Variants in PRH1 observed in about 807,000 individuals in gnomAD.
The protein encoded by PRH1 is salivary acidic proline-rich phosphoprotein 1/2.
In PRH1, 7 loss-of-function variants were observed where a neutral mutation model predicts 7.9. The ratio of observed to expected loss-of-function variants is 0.89; its 90% confidence interval spans 0.50 to 1.67. The LOEUF (loss-of-function observed/expected upper bound fraction) is 1.67. PRH1 is among the 40% of genes most tolerant of loss of function. PRH1 has a pLI of 0.00. For missense variants in PRH1, 109 were observed against 223.6 expected (o/e 0.49, Z 3.27); for synonymous variants, 45 against 80.8 (o/e 0.56, Z 2.38).
chr12:11,023,597 CAGG>C (rs1941764803), intron 1 of PRH1, among the ~76,000 whole-genome samples: 1 of 152,200 alleles, frequency 6.6e-6, no homozygotes, highest in African/African-American at 2.4e-5. Context: ...CTTCAGTCAA[CAGG>C]AAATTAGTAG....
chr12:11,016,976 A>G (rs1300858346), intron 1 of PRH1, among the ~76,000 whole-genome samples: 1 of 152,218 alleles, frequency 6.6e-6, no homozygotes, highest in South Asian at 2.1e-4. Context: ...CACTTAACCT[A>G]TCTGGCCTCT....
chr12:10,955,428 A>C (rs561016597), intron 2 of PRH1, among the ~76,000 whole-genome samples: 1 of 152,294 alleles, frequency 6.6e-6, no homozygotes, highest in Admixed American at 6.5e-5. Context: ...GGATATGGAT[A>C]AGGCAGTGTT....
chr12:11,020,811 A>T (rs1941583576), intron 1 of PRH1, among the ~76,000 whole-genome samples: 1 of 152,144 alleles, frequency 6.6e-6, no homozygotes, highest in African/African-American at 2.4e-5. Context: ...ATGGGAGACA[A>T]AGGAGAAAAT....
intron 1 of PRH1, chr12:11,021,998 G>A: frequency 6.3e-7 from 1 of 1,589,736 alleles, no homozygotes; most frequent in Non-Finnish European, 8.6e-7. Flanking sequence ...AAACATATTA[G>A]GCTCAGAGTA....
chr12:10,929,884 C>G (rs1214397050), intron 2 of PRH1, among the ~76,000 whole-genome samples: 2 of 152,122 alleles, frequency 1.3e-5, no homozygotes, highest in Non-Finnish European at 2.9e-5. Flanking sequence ...AAGATTGTAT[C>G]TAAGTGGCTA....
At chr12:11,150,348 C>T (rs1490657793) in intron 1 of PRH1, among the ~76,000 whole-genome samples, 1 of 152,100 alleles carries the variant, frequency 6.6e-6, no homozygotes, top group Non-Finnish European at 1.5e-5. Flanking sequence ...ATAAATCATG[C>T]TGCTATAAAG....
upstream of PRH1, among the ~76,000 whole-genome samples, chr12:10,887,531 T>TA (rs1949510322): frequency 2.0e-5 from 3 of 151,150 alleles, no homozygotes; most frequent in Non-Finnish European, 4.4e-5. Context: ...ATTTCTTTTT[T>TA]TTTTTTTTGA....
Position 11,076,599 on chromosome 12 carries a change from G to A in PRH1, n.124-29411C>T, listed in dbSNP as rs190019926. Among the ~76,000 whole-genome samples the A allele has an allele frequency of 8.4e-4, 102 of 121,150 alleles. No individual in the cohort carries two copies. In the East Asian group the frequency reaches 0.018, roughly 22 times the overall value. The allele number at this position is 121,150 out of a possible 152,430, so 79.5% of individuals were successfully genotyped here. ...CTTTAATTCAAAAAGTGGAATAAGT[G>A]ACTTTTCTAACTACACATAAAAAAT... is the stretch of plus-strand genomic sequence containing the variant. On this transcript the variant is annotated intron_variant and non_coding_transcript_variant, in intron 1 of 4. Transcript: ENST00000541977.
intron 2 of PRH1, among the ~76,000 whole-genome samples, chr12:10,967,433 G>A (rs1483614622): frequency 6.6e-6 from 1 of 152,068 alleles, no homozygotes; most frequent in African/African-American, 2.4e-5. Flanking sequence ...ATCAAATAAG[G>A]CAAGACGTGG....
intron 1 of PRH1, among the ~76,000 whole-genome samples, chr12:11,105,107 G>A (rs1454550525): frequency 6.6e-6 from 1 of 151,542 alleles, no homozygotes; most frequent in East Asian, 1.9e-4. Flanking sequence ...ATCAATCATT[G>A]TGTCAGATGA....
intron 1 of PRH1, chr12:11,091,421 C>T: frequency 8.0e-7 from 1 of 1,252,982 alleles, no homozygotes; most frequent in South Asian, 1.2e-5. Context: ...TGAAGGATAG[C>T]TGAATCTAAT....
intron 1 of PRH1, among the ~76,000 whole-genome samples, chr12:11,145,192 T>A (rs1946827139): frequency 6.6e-6 from 1 of 152,150 alleles, no homozygotes. Context: ...GTTTTGTTTT[T>A]TGTTTTTGGT....
chr12:10,916,204 A>G (rs1949970152), intron 2 of PRH1, among the ~76,000 whole-genome samples: 1 of 152,186 alleles, frequency 6.6e-6, no homozygotes, highest in Non-Finnish European at 1.5e-5. Context: ...ATTCATTATC[A>G]TAAGAACAAC....
chr12:10,956,914 G>C lies in PRH1; in HGVS notation c.-59+16741C>G, dbSNP rs150690447. On this transcript the variant is annotated intron_variant, in intron 2 of 3. Transcript: ENST00000539853. ...GAGACTGTTCAATTAAATCCAATAA[G>C]ACATGGACAAACGGGAAAACGTTCC... 8.5e-5 allele frequency among the ~76,000 whole-genome samples: 13 copies of C among 152,092 alleles called. No individual in the cohort carries two copies. In the East Asian group the frequency reaches 2.5e-3, roughly 29 times the overall value.
At chr12:10,924,883 T>C (rs1251331973) in intron 2 of PRH1, among the ~76,000 whole-genome samples, 1 of 152,120 alleles carries the variant, frequency 6.6e-6, no homozygotes, top group Non-Finnish European at 1.5e-5. Flanking sequence ...CTATTTGATT[T>C]TTCTCTCTTT....
At chr12:11,117,968 A>G (rs1945777760), downstream of PRH1, among the ~76,000 whole-genome samples, 1 of 152,210 alleles carries the variant, frequency 6.6e-6, no homozygotes, top group African/African-American at 2.4e-5. Context: ...CCCATAAGAA[A>G]ACATCAGAGA....
Position 10,908,619 on chromosome 12 carries a change from T to G in PRH1, c.-58-24344A>C, listed in dbSNP as rs779745131. On this transcript the variant is annotated intron_variant, in intron 2 of 3. Transcript: ENST00000539853. ...GATCACAATTTTCAAGGCATTTGTA[T>G]GGACCTTGGTCCTGGGGTCTCTGTG... 4 of 1,614,080 alleles carry G rather than the reference T, an allele frequency of 2.5e-6. No individual in the cohort carries two copies. The South Asian group carries it at 4.4e-5, about 18-fold the overall frequency.
chr12:11,016,715 T>C (rs1281549480), intron 1 of PRH1, among the ~76,000 whole-genome samples: 1 of 152,184 alleles, frequency 6.6e-6, no homozygotes, highest in Non-Finnish European at 1.5e-5. Context: ...ATCTAATCAG[T>C]TTGCCGTTAT....
At chr12:10,996,088 A>G (rs955766348) in intron 1 of PRH1, among the ~76,000 whole-genome samples, 1 of 151,786 alleles carries the variant, frequency 6.6e-6, no homozygotes, top group East Asian at 1.9e-4. Context: ...AGGCTGAGGC[A>G]GTGGATCACT....
Sources: gnomAD v4.1 joint callset for allele counts (sites outside exome capture counted in the v4.1 genomes callset) on GRCh38, gnomAD v4.1.1 for gene constraint, MANE v1.5 for transcripts, NCBI Gene and HGNC (gene_info 2026-07-23, HGNC 2026-07-21) for gene names.